WFDC2: variants seen among roughly 807,000 people sequenced by gnomAD.
WFDC2 encodes WAP four-disulfide core domain 2, also known as WAP four-disulfide core domain protein 2.
A neutral mutation model predicts 12.5 loss-of-function variants in WFDC2; 8 were observed. That is an observed-to-expected ratio of 0.64 (90% confidence interval 0.37 to 1.15). The LOEUF (loss-of-function observed/expected upper bound fraction) is 1.15. Ranked by LOEUF, WFDC2 falls within the 50% of genes most tolerant of loss-of-function variation. The pLI is 0.01. For missense variants in WFDC2, 166 were observed against 159.9 expected, an observed-to-expected ratio of 1.04 and a Z score of -0.21; for synonymous variants, 74 against 67.2, an observed-to-expected ratio of 1.10 and a Z score of -0.49.
intron 2 of WFDC2, among the ~76,000 whole-genome samples, chr20:45,477,317 T>TGG (rs1160684983): frequency 1.3e-5 from 2 of 152,236 alleles, no homozygotes; most frequent in East Asian, 3.9e-4. Context: ...TGGATTTATC[T>TGG]ACCTTTGGTC....
chr20:45,479,390 A>C, intron 2 of WFDC2: 1 of 496,722 alleles, frequency 2.0e-6, no homozygotes, highest in Admixed American at 3.5e-5. Context: ...AAATTACTTA[A>C]CTTCTCAGTG....
chr20:45,477,173 T>G (rs1600848519), intron 2 of WFDC2, among the ~76,000 whole-genome samples: 3 of 152,262 alleles, frequency 2.0e-5, no homozygotes, highest in African/African-American at 7.2e-5. Flanking sequence ...TGAAGCCTAC[T>G]TCTGTCAATT....
intron 2 of WFDC2, among the ~76,000 whole-genome samples, chr20:45,473,259 G>T (rs1991194859): frequency 6.6e-6 from 1 of 152,174 alleles, no homozygotes; most frequent in African/African-American, 2.4e-5. Context: ...CTTTGCCCAT[G>T]CCTATGTCCT....
rs199863173 is a variant in WFDC2 at position 45,479,864 on chromosome 20, G to T, written c.224-78G>T. The T allele has an allele frequency of 2.8e-3, 4,475 of 1,614,104 alleles. 8 individuals carry two copies. The highest frequency in any genetic ancestry group is 0.011 in the Middle Eastern group (68 of 6,062). ...ATGTGAAGCCCAGTGAGGGGCAGTG[G>T]GGGGGCCATGCTGCAGGTACAAGTT... On this transcript the variant is annotated intron_variant, in intron 2 of 3. Transcript: ENST00000372676.
At chr20:45,471,196 G>A in intron 2 of WFDC2, 1 of 471,022 alleles carries the variant, frequency 2.1e-6, no homozygotes, top group Non-Finnish European at 4.4e-6. Flanking sequence ...AATCCTCCCT[G>A]GACACTGTAT....
At chr20:45,479,546 T>C (rs1273741635) in intron 2 of WFDC2, 6 of 928,636 alleles carry the variant, frequency 6.5e-6, no homozygotes, top group African/African-American at 3.3e-5. Context: ...TTCACTGTTA[T>C]AATTTCTCAT....
intron 3 of WFDC2, among the ~76,000 whole-genome samples, chr20:45,480,846 G>C (rs964309325): frequency 6.6e-6 from 1 of 152,138 alleles, no homozygotes; most frequent in Non-Finnish European, 1.5e-5. Flanking sequence ...CTGGAGCCAG[G>C]GCTCTCAGAT....
In WFDC2 at chr20:45,470,446, C is replaced by T. The variant is rs1390728258; in HGVS notation, c.137C>T (p.Thr46Met). ...CPELQADQNC[T>M]QECVSDSECA... Reference sequence around the variant, plus strand: ...GAGCTCCAGGCTGACCAGAACTGCACGCAAGAGTGCGTCTCGGACAGCGAA... The same window carrying T: ...GAGCTCCAGGCTGACCAGAACTGCATGCAAGAGTGCGTCTCGGACAGCGAA... The change falls in exon 2 of 4, where the codon ACG becomes ATG. Residue 46 changes from threonine to methionine, a missense_variant. Transcript: ENST00000372676. This position sits in a 1 kb window ranked among gnomAD's most constrained non-coding sequence, Gnocchi z 5.4. 6.3e-7 allele frequency: 1 copy of T among 1,594,574 alleles called. No homozygotes were observed. The highest frequency in any genetic ancestry group is 1.7e-5 in the Admixed American group (1 of 57,960).
intron 2 of WFDC2, among the ~76,000 whole-genome samples, chr20:45,478,202 G>A (rs1991257583): frequency 6.6e-6 from 1 of 152,038 alleles, no homozygotes; most frequent in African/African-American, 2.4e-5. Flanking sequence ...AGGCACCACT[G>A]GGGTATGAAA....
intron 2 of WFDC2, among the ~76,000 whole-genome samples, chr20:45,473,254 C>T (rs1991194775): frequency 6.6e-6 from 1 of 152,142 alleles, no homozygotes; most frequent in Admixed American, 6.5e-5. Context: ...GAAGTCTTTG[C>T]CCATGCCTAT....
rs1191503786 is a variant in WFDC2 at position 45,469,769 on chromosome 20, C to G, written c.-13C>G. 6.2e-7 allele frequency: 1 copy of G among 1,604,562 alleles called. No individual in the cohort carries two copies. Among genetic ancestry groups the G allele is most frequent in the Non-Finnish European group, 8.5e-7 (1 of 1,175,786 alleles). On this transcript the variant is annotated 5_prime_UTR_variant, in exon 1 of 4. Coordinates refer to ENST00000372676, the MANE Select transcript of WFDC2 (RefSeq NM_006103.4). ...CATCGGCTCACACCTGCACCCCGCCCGGGCATAGCACCATGCCTGCTTGTC... is the reference window on the plus strand; with the variant it reads ...CATCGGCTCACACCTGCACCCCGCCGGGGCATAGCACCATGCCTGCTTGTC...
chr20:45,470,445 A>G lies in WFDC2; in HGVS notation c.136A>G (p.Thr46Ala). ...CGAGCTCCAGGCTGACCAGAACTGC[A>G]CGCAAGAGTGCGTCTCGGACAGCGA... Reference protein sequence around the residue: ...CPELQADQNCTQECVSDSECA... With the variant: ...CPELQADQNCAQECVSDSECA... The change falls in exon 2 of 4, where the codon ACG becomes GCG. Residue 46 changes from threonine to alanine, a missense_variant. Transcript: ENST00000372676. The surrounding 1 kb of genome is among the most constrained non-coding windows in gnomAD (Gnocchi z 5.4). The G allele has an allele frequency of 3.8e-6, 6 of 1,595,186 alleles. No individual in the cohort carries two copies. The highest frequency in any genetic ancestry group is 5.1e-6 in the Non-Finnish European group (6 of 1,170,066).
Position 45,470,509 on chromosome 20 carries a change from C to A in WFDC2, c.200C>A (p.Ala67Asp), listed in dbSNP as rs1409327143. 1.3e-6 allele frequency: 2 copies of A among 1,598,506 alleles called. No individual in the cohort carries two copies. The highest frequency in any genetic ancestry group is 3.4e-5 in the Admixed American group (2 of 58,350). ...CTCAAGTGCTGCAGCGCGGGCTGTG[C>A]CACCTTCTGCTCTCTGCCCAATGGT... ...DNLKCCSAGC[A>D]TFCSLPNDKE... The change falls in exon 2 of 4, where the codon GCC becomes GAC. Residue 67 changes from alanine (A) to aspartate (D), a missense_variant. Transcript: ENST00000372676. The surrounding 1 kb of genome is among the most constrained non-coding windows in gnomAD (Gnocchi z 5.4).
In WFDC2 at chr20:45,470,454, T is replaced by C. The variant is rs368665218; in HGVS notation, c.145T>C (p.Cys49Arg). 247 of 1,594,800 alleles carry C rather than the reference T, an allele frequency of 1.5e-4. No homozygotes were observed. The highest frequency in any genetic ancestry group is 2.0e-4 in the Non-Finnish European group (237 of 1,170,128). ...LQADQNCTQE[C>R]VSDSECADNL... Reference sequence around the variant, plus strand: ...GGCTGACCAGAACTGCACGCAAGAGTGCGTCTCGGACAGCGAATGCGCCGA... The same window carrying C: ...GGCTGACCAGAACTGCACGCAAGAGCGCGTCTCGGACAGCGAATGCGCCGA... The change falls in exon 2 of 4, where the codon TGC becomes CGC. Residue 49 changes from cysteine to arginine, a missense_variant. Cys to Arg is a radical substitution (Grantham distance 180, BLOSUM62 -3). Transcript: ENST00000372676. This position sits in a 1 kb window ranked among gnomAD's most constrained non-coding sequence, Gnocchi z 5.4.
At chr20:45,472,941 A>C (rs56339761) in intron 2 of WFDC2, among the ~76,000 whole-genome samples, 1 of 152,210 alleles carries the variant, frequency 6.6e-6, no homozygotes, top group Non-Finnish European at 1.5e-5. Flanking sequence ...TCTAATGACC[A>C]GTGATGATGA....
chr20:45,471,324 G>C (rs920381896), intron 2 of WFDC2: 1 of 372,672 alleles, frequency 2.7e-6, no homozygotes, highest in Non-Finnish European at 5.6e-6. Flanking sequence ...ATCAGAACAG[G>C]GGGTGGCTTA....
intron 2 of WFDC2, among the ~76,000 whole-genome samples, chr20:45,473,700 T>C (rs1294564617): frequency 6.6e-6 from 1 of 152,192 alleles, no homozygotes; most frequent in Non-Finnish European, 1.5e-5. Context: ...TTTAAAGTCG[T>C]TTTTTCTAAT....
chr20:45,470,081 C>CT lies in WFDC2; in HGVS notation c.79+222dup, dbSNP rs1991147059. ...GAGGATTCTGTGCTGAACGCGGACA[C>CT]TCCGTGGCTGCAGTGGGCTGGGGGT... is the stretch of plus-strand genomic sequence containing the variant. On this transcript the variant is annotated intron_variant, in intron 1 of 3. Coordinates refer to ENST00000372676, the MANE Select transcript of WFDC2 (RefSeq NM_006103.4). This position sits in a 1 kb window ranked among gnomAD's most constrained non-coding sequence, Gnocchi z 5.4. 1.3e-5 allele frequency among the ~76,000 whole-genome samples: 2 copies of CT among 152,144 alleles called. No individual in the cohort carries two copies. The highest frequency in any genetic ancestry group is 4.1e-4 in the South Asian group (2 of 4,826).
rs778904766 is a variant in WFDC2, at chr20:45,470,462, G to T, written c.153G>T (p.Ser51=). 2 of 1,595,560 alleles carry T rather than the reference G, an allele frequency of 1.3e-6. No homozygotes were observed. Among genetic ancestry groups the T allele is most frequent in the Middle Eastern group, 1.7e-4 (1 of 6,028 alleles). The part of the protein sequence containing the change: ...ADQNCTQECV[S]DSECADNLKC... The stretch of plus-strand genomic sequence containing the variant: ...AGAACTGCACGCAAGAGTGCGTCTC[G>T]GACAGCGAATGCGCCGACAACCTCA... Residue 51 remains serine, a synonymous_variant, in exon 2 of 4, where the codon TCG becomes TCT. Transcript: ENST00000372676. The surrounding 1 kb of genome is among the most constrained non-coding windows in gnomAD (Gnocchi z 5.4).
Sources: allele counts gnomAD v4.1 joint callset (sites outside exome capture counted in the v4.1 genomes callset), GRCh38; gene constraint gnomAD v4.1.1; non-coding constraint Gnocchi (gnomAD v3.1); transcripts MANE v1.5; gene names NCBI Gene and HGNC (gene_info 2026-07-23, HGNC 2026-07-21).